The following STPG2 variants were observed in gnomAD, a reference collection of about 807,000 sequenced individuals.
STPG2 encodes the protein sperm tail PG-rich repeat containing 2.
In STPG2, 56 loss-of-function variants were observed where a neutral mutation model predicts 54.2. The observed-to-expected ratio is 1.03, with a 90% confidence interval of 0.83 to 1.29. STPG2 has a LOEUF of 1.29. Ranked by LOEUF, STPG2 falls within the 50% of genes most tolerant of loss-of-function variation. The pLI, the probability that STPG2 is intolerant of heterozygous loss-of-function variation, is 0.00. For synonymous variants in STPG2, 200 were observed against 181.8 expected, an observed-to-expected ratio of 1.10 and a Z score of -0.81; for missense variants, 596 against 544.9, an observed-to-expected ratio of 1.09 and a Z score of -0.93.
intron 7 of STPG2, among the ~76,000 whole-genome samples, chr4:97,952,811 T>C (rs903156959): frequency 6.6e-6 from 1 of 152,148 alleles, no homozygotes; most frequent in Non-Finnish European, 1.5e-5. Context: ...GCCAGGTTGG[T>C]AGCCAGAATG....
intron 4 of STPG2, among the ~76,000 whole-genome samples, chr4:97,536,936 A>G (rs1731546440): frequency 6.6e-6 from 1 of 152,184 alleles, no homozygotes; most frequent in Non-Finnish European, 1.5e-5. Context: ...TTCATACATA[A>G]TCATCGGTTT....
chr4:97,830,259 A>G (rs1477920704), intron 9 of STPG2, among the ~76,000 whole-genome samples: 5 of 152,212 alleles, frequency 3.3e-5, no homozygotes, highest in Non-Finnish European at 7.3e-5. Flanking sequence ...ACAGAATTTC[A>G]TATCCAGCCA....
intron 4 of STPG2, among the ~76,000 whole-genome samples, chr4:97,519,409 G>A (rs940380386): frequency 2.0e-5 from 3 of 151,974 alleles, no homozygotes; most frequent in African/African-American, 7.2e-5. Context: ...AAACAGAATT[G>A]AGATAGTTAT....
intron 5 of STPG2, among the ~76,000 whole-genome samples, chr4:98,089,284 A>G (rs968220384): frequency 2.6e-5 from 4 of 152,100 alleles, no homozygotes; most frequent in Admixed American, 1.3e-4. Context: ...GCTCCCACTT[A>G]TAAGTGAGAA....
Position 97,537,468 on chromosome 4 carries a change from G to T in STPG2, c.462+175231C>A, listed in dbSNP as rs531350107. 6.6e-5 allele frequency among the ~76,000 whole-genome samples: 10 copies of T among 152,256 alleles called. No homozygotes were observed. The South Asian group carries it at 2.1e-3, about 32-fold the overall frequency. Reference sequence around the variant, plus strand: ...GTTGCTAGCACAGCAGTCTGAGATCGAACTGCAAGGCAGCAGCAAGGCTGG... The same window carrying T: ...GTTGCTAGCACAGCAGTCTGAGATCTAACTGCAAGGCAGCAGCAAGGCTGG... On this transcript the variant is annotated intron_variant, in intron 4 of 4. Transcript: ENST00000522676.
At position 97,720,099 on chromosome 4, in the gene STPG2, A is replaced by T. The variant is rs150348827; in HGVS notation, c.1205-7285T>A. 1.6e-3 allele frequency among the ~76,000 whole-genome samples: 236 copies of T among 152,124 alleles called. 1 individual carries two copies. The highest frequency in any genetic ancestry group is 5.4e-3 in the African/African-American group (226 of 41,560). On this transcript the variant is annotated intron_variant, in intron 9 of 10. Coordinates refer to ENST00000295268, the MANE Select transcript of STPG2 (RefSeq NM_174952.3). ...CTTACTTCATGATAACTGAAGAGGC[A>T]ATGCTTGCAAGTATATTTTCATCTC...
chr4:97,559,835 T>G (rs1732178401), intron 10 of STPG2, among the ~76,000 whole-genome samples: 1 of 152,212 alleles, frequency 6.6e-6, no homozygotes, highest in Non-Finnish European at 1.5e-5. Context: ...CAAAATATTT[T>G]AACCAACACT....
chr4:97,735,378 C>T (rs1466522794), intron 9 of STPG2, among the ~76,000 whole-genome samples: 1 of 151,070 alleles, frequency 6.6e-6, no homozygotes, highest in Non-Finnish European at 1.5e-5. Flanking sequence ...TAGAGTGATA[C>T]AATGTACTTT....
At chr4:97,872,667 C>T (rs1445667685) in intron 8 of STPG2, among the ~76,000 whole-genome samples, 1 of 150,970 alleles carries the variant, frequency 6.6e-6, no homozygotes, top group Non-Finnish European at 1.5e-5. Context: ...AATGAATGGG[C>T]ATCATAAACA....
intron 4 of STPG2, among the ~76,000 whole-genome samples, chr4:97,508,236 C>T (rs1196237117): frequency 6.6e-6 from 1 of 151,932 alleles, no homozygotes; most frequent in Non-Finnish European, 1.5e-5. Flanking sequence ...ATGAAATAGG[C>T]ATGACTGAAA....
chr4:97,596,066 G>T (rs937709607), intron 10 of STPG2, among the ~76,000 whole-genome samples: 6 of 152,038 alleles, frequency 3.9e-5, no homozygotes, highest in Admixed American at 1.3e-4. Context: ...GTAAATATAT[G>T]AAGAAAAATC....
chr4:97,794,965 T>C (rs997703456), intron 9 of STPG2, among the ~76,000 whole-genome samples: 4 of 152,170 alleles, frequency 2.6e-5, no homozygotes, highest in African/African-American at 9.6e-5. Context: ...AAAATGATAA[T>C]TTCTGGCCAC....
chr4:97,599,613 G>T (rs1296221146), intron 10 of STPG2, among the ~76,000 whole-genome samples: 1 of 151,996 alleles, frequency 6.6e-6, no homozygotes, highest in Admixed American at 6.6e-5. Context: ...CATCAGGTCA[G>T]GAGATCAAGA....
At chr4:97,555,364 G>C (rs1292881965), downstream of STPG2, among the ~76,000 whole-genome samples, 2 of 152,068 alleles carry the variant, frequency 1.3e-5, no homozygotes, top group African/African-American at 4.8e-5. Flanking sequence ...TCCCAGCAAA[G>C]AACTGGGAGG....
At chr4:97,899,191 G>A (rs538126369) in intron 8 of STPG2, among the ~76,000 whole-genome samples, 365 of 151,856 alleles carry the variant, frequency 2.4e-3, no homozygotes, top group African/African-American at 8.5e-3. Context: ...GGCAAACTGA[G>A]AGCCAAATCA....
intron 3 of STPG2, among the ~76,000 whole-genome samples, chr4:98,120,910 G>A (rs11931696): frequency 0.4 from 60,131 of 151,856 alleles, 12,139 homozygotes; most frequent in Middle Eastern, 0.46. Flanking sequence ...CTTTAATTAG[G>A]TCCCAGTTGT....
intron 10 of STPG2, among the ~76,000 whole-genome samples, chr4:97,590,475 T>C (rs58276078): frequency 0.13 from 20,102 of 151,890 alleles, 4,092 homozygotes; most frequent in African/African-American, 0.44. Context: ...AGGTCGTTTG[T>C]CCTAAGGGCA....
chr4:97,985,014 GTA>G (rs1372862110), intron 5 of STPG2, among the ~76,000 whole-genome samples: 1 of 151,514 alleles, frequency 6.6e-6, no homozygotes, highest in East Asian at 1.9e-4. Context: ...GTAGTTATGT[GTA>G]TGTTTTCCTA....
intron 9 of STPG2, among the ~76,000 whole-genome samples, chr4:97,781,973 A>T (rs955422225): frequency 1.3e-5 from 2 of 152,232 alleles, no homozygotes; most frequent in African/African-American, 4.8e-5. Flanking sequence ...CACAGCCAAT[A>T]TCATACTGAA....
Sources: allele counts gnomAD v4.1 joint callset (sites outside exome capture counted in the v4.1 genomes callset), GRCh38; gene constraint gnomAD v4.1.1; transcripts MANE v1.5; gene names NCBI Gene and HGNC (gene_info 2026-07-23, HGNC 2026-07-21).